The following TMEM161A variants were observed in gnomAD, a reference collection of about 807,000 sequenced individuals.
The protein encoded by TMEM161A is adaptive response to oxidative stress protein 29.
A neutral mutation model predicts 57.1 loss-of-function variants in TMEM161A; 46 were observed. The ratio of observed to expected loss-of-function variants is 0.81; its 90% CI spans 0.64 to 1.03. TMEM161A has a LOEUF of 1.03. Ranked by LOEUF, TMEM161A falls within the 50% of genes least tolerant of loss-of-function variation. TMEM161A has a pLI of 0.00. For synonymous variants in TMEM161A, 288 were observed against 279.0 expected (o/e 1.03, Z -0.32); for missense variants, 601 against 621.5 (o/e 0.97, Z 0.35).
Position 19,134,800 on chromosome 19 carries a change from G to A in TMEM161A, c.91C>T (p.Leu31=). Reference sequence around the variant, plus strand: ...GGGGCTCACCTGCCGTTACAGAGCAGCCAGCGCGCGAAGGAGCAGTGTGGC... The same window carrying A: ...GGGGCTCACCTGCCGTTACAGAGCAACCAGCGCGCGAAGGAGCAGTGTGGC... ...LAPHCSFARW[L]LCNGSLFRYK... The change falls in exon 2 of 12, where the codon CTG becomes TTG. Residue 31 remains leucine (L), a synonymous_variant. Transcript: ENST00000162044. The A allele has an allele frequency of 5.1e-6, 8 of 1,581,710 alleles. No homozygotes were observed. Among genetic ancestry groups the A allele is most frequent in the Non-Finnish European group, 6.9e-6 (8 of 1,165,782 alleles).
At chr19:19,130,126 C>A (rs776282268) in intron 6 of TMEM161A, 30 bp downstream of exon 6, 1 of 1,609,646 alleles carries the variant, frequency 6.2e-7, no homozygotes, top group Non-Finnish European at 8.5e-7. Context: ...GTGACAGCTG[C>A]GGTGGCCCCA....
At chr19:19,137,849 G>A (rs1302397851) in intron 1 of TMEM161A, among the ~76,000 whole-genome samples, 1 of 152,166 alleles carries the variant, frequency 6.6e-6, no homozygotes, top group Non-Finnish European at 1.5e-5. Flanking sequence ...ACACTCAATA[G>A]GTTGGACCCA....
chr19:19,121,324 C>T lies in TMEM161A; in HGVS notation c.898G>A (p.Glu300Lys). The change falls in exon 9 of 12, where the codon GAG becomes AAG. Residue 300 changes from glutamate to lysine, a missense_variant. Transcript: ENST00000162044. This position sits in a 1 kb window ranked among gnomAD's most constrained non-coding sequence, Gnocchi z 5.8. ...RDFLHQPPFG[E>K]TRFSLLSDSA... is the part of the protein sequence containing the mutation. ...AATACGCACAGGGAGAAACGCGTCTCCCCAAACGGCGGCTGGTGCAGGAAG... is the reference window on the plus strand; with the variant it reads ...AATACGCACAGGGAGAAACGCGTCTTCCCAAACGGCGGCTGGTGCAGGAAG... 1 of 1,571,462 alleles carries T rather than the reference C, an allele frequency of 6.4e-7. No homozygotes were observed.
intron 6 of TMEM161A, among the ~76,000 whole-genome samples, chr19:19,122,763 T>G: frequency 1.5e-5 from 1 of 64,830 alleles, no homozygotes. Flanking sequence ...AGCAAGACCT[T>G]GTCAAAAAAA....
In TMEM161A at chr19:19,132,504, C is replaced by T; in HGVS notation, c.291G>A (p.Leu97=). The change falls in exon 5 of 12, where the codon CTG becomes CTA. Residue 97 remains leucine (L), a synonymous_variant. Transcript: ENST00000162044. This position sits in a 1 kb window ranked among gnomAD's most constrained non-coding sequence, Gnocchi z 4.3. ...CPLTTVDALV[L]RFFLEYQWFV... is the part of the protein sequence containing the mutation. ...ACCACTGGTACTCCAGGAAGAAGCG[C>T]AGGACTGTGGGGGGCACTCTGCTCA... 2.5e-6 allele frequency: 4 copies of T among 1,613,476 alleles called. No homozygotes were observed. The highest frequency in any genetic ancestry group is 3.4e-6 in the Non-Finnish European group (4 of 1,179,576).
At chr19:19,127,872 C>G (rs1188793627) in intron 6 of TMEM161A, among the ~76,000 whole-genome samples, 3 of 151,832 alleles carry the variant, frequency 2.0e-5, no homozygotes, top group Non-Finnish European at 4.4e-5. Context: ...CCCTGGAGAT[C>G]AAGGCTGCAG....
At chr19:19,134,719 G>T in intron 2 of TMEM161A, 65 bp downstream of exon 2, 1 of 1,207,078 alleles carries the variant, frequency 8.3e-7, no homozygotes, top group Non-Finnish European at 1.2e-6. Flanking sequence ...TTGTGAGGCG[G>T]GGCGTGGGGA....
Position 19,133,175 on chromosome 19 carries a change from A to G in TMEM161A, c.143T>C (p.Leu48Pro). Reference protein sequence around the residue: ...FRYKHPSEEELRALAGKPRPR... With the variant: ...FRYKHPSEEEPRALAGKPRPR... ...CCTCGGCTTCCCCGCCAGGGCCCGA[A>G]GCTCCTCCTCAGACGGGTGCTTGTA... Residue 48 changes from leucine (L) to proline (P), a missense_variant, in exon 3 of 12, where the codon CTT (leucine) becomes CCT (proline). Leu to Pro is a moderately conservative substitution (Grantham distance 98). Transcript: ENST00000162044. 6.2e-7 allele frequency: 1 copy of G among 1,614,172 alleles called. No individual in the cohort carries two copies.
Position 19,121,413 on chromosome 19 carries a change from A to C in TMEM161A, c.809T>G (p.Leu270Arg). The C allele has an allele frequency of 1.2e-6, 2 of 1,613,792 alleles. No individual in the cohort carries two copies. The highest frequency in any genetic ancestry group is 1.7e-6 in the Non-Finnish European group (2 of 1,179,800). Residue 270 changes from leucine (L) to arginine (R), a missense_variant, in exon 9 of 12, where the codon CTG becomes CGG. By Grantham distance (102) the Leu-to-Arg change is moderately radical. Coordinates refer to ENST00000162044, the MANE Select transcript of TMEM161A (RefSeq NM_017814.3). The surrounding 1 kb of genome is among the most constrained non-coding windows in gnomAD (Gnocchi z 5.8). ...CAGGGGAGACAGGAAGCTGGTGTGC[A>C]GGAGGAACCTGGGGGGTGAGGGCAG... ...SEDRPMLQFL[L>R]HTSFLSPLFI...
chr19:19,131,150 A>G (rs949939136), intron 5 of TMEM161A, among the ~76,000 whole-genome samples: 4 of 151,612 alleles, frequency 2.6e-5, no homozygotes, highest in African/African-American at 9.7e-5. Context: ...AACCCGGGAG[A>G]CAGAGGTTGT....
Position 19,130,271 on chromosome 19 carries a change from G to A in TMEM161A, c.480C>T (p.Ser160=), listed in dbSNP as rs142114590. 255 of 1,613,700 alleles carry A rather than the reference G, an allele frequency of 1.6e-4. No individual in the cohort carries two copies. The highest frequency in any genetic ancestry group is 2.8e-4 in the African/African-American group (21 of 75,056). Residue 160 remains serine (S), a synonymous_variant, in exon 6 of 12, where the codon AGC becomes AGT. Coordinates refer to ENST00000162044, the MANE Select transcript of TMEM161A (RefSeq NM_017814.3). ...CAGAGCGCTCACCCCCCTCCTCGGC[G>A]CTGAAGTACAGCCGTGTCACTGTCA... ...MFLTVTRLYF[S]AEEGGERSVC...
intron 6 of TMEM161A, among the ~76,000 whole-genome samples, chr19:19,125,866 C>T (rs891970735): frequency 2.6e-5 from 4 of 151,910 alleles, no homozygotes; most frequent in South Asian, 2.1e-4. Context: ...TGGTGGCAAG[C>T]GCCTGTAATC....
At chr19:19,120,231 G>A (rs987983259) in intron 11 of TMEM161A, 48 bp from the exon 12 acceptor site, 1 of 1,481,232 alleles carries the variant, frequency 6.8e-7, no homozygotes. Context: ...ATGGGGGAGG[G>A]GGCGAGGGAC....
chr19:19,133,111 T>TGGGGCC lies in TMEM161A; in HGVS notation c.188+13_188+18dup, dbSNP rs754113259. 22 of 1,611,410 alleles carry TGGGGCC rather than the reference T, an allele frequency of 1.4e-5. No individual in the cohort carries two copies. In the Admixed American group the frequency reaches 2.7e-4, roughly 20 times the overall value. On this transcript the variant is annotated intron_variant, in intron 3 of 11. Coordinates refer to ENST00000162044, the MANE Select transcript of TMEM161A (RefSeq NM_017814.3). ...GGAGCCACCCTCCCAAGGCTGGGGC[T>TGGGGCC]GGGGCCCAGGTCACTCACCGCTCTT...
In TMEM161A at chr19:19,130,236, G is replaced by A. The variant is rs150057424; in HGVS notation, c.515C>T (p.Thr172Ile). 6.8e-6 allele frequency: 11 copies of A among 1,613,890 alleles called. No homozygotes were observed. Among genetic ancestry groups the A allele is most frequent in the Non-Finnish European group, 8.5e-6 (10 of 1,180,050 alleles). The change falls in exon 6 of 12, where the codon ACC becomes ATC. Residue 172 changes from threonine to isoleucine, a missense_variant. Physicochemically the swap from Thr to Ile is moderately conservative, Grantham distance 89. Transcript: ENST00000162044. Reference protein sequence around the residue: ...EEGGERSVCLTFAFLFLLLAM... With the variant: ...EEGGERSVCLIFAFLFLLLAM... The stretch of plus-strand genomic sequence containing the variant: ...CAGCAGCAGGAAGAGGAAGGCAAAG[G>A]TGAGGCAGACAGAGCGCTCACCCCC...
chr19:19,135,840 G>C (rs562479928), intron 1 of TMEM161A, among the ~76,000 whole-genome samples: 1 of 152,162 alleles, frequency 6.6e-6, no homozygotes, highest in East Asian at 1.9e-4. Context: ...CCTCCCAAAC[G>C]GTTGGGATTA....
intron 6 of TMEM161A, among the ~76,000 whole-genome samples, chr19:19,127,513 G>A (rs903778039): frequency 1.3e-4 from 20 of 151,768 alleles, no homozygotes; most frequent in South Asian, 2.1e-4. Flanking sequence ...TAGTAGAGAC[G>A]GAGTTTCACC....
chr19:19,134,648 A>G lies in TMEM161A; in HGVS notation c.107+136T>C, dbSNP rs1287461651. On this transcript the variant is annotated intron_variant, in intron 2 of 11. Coordinates refer to ENST00000162044, the MANE Select transcript of TMEM161A (RefSeq NM_017814.3). ...AATATATGCAGTTTGTTGTACTTCA[A>G]TTACACCTCAACAACGTTTTTCCCC... 22 of 627,656 alleles carry G rather than the reference A, an allele frequency of 3.5e-5. 1 individual carries two copies. Among genetic ancestry groups the G allele is most frequent in the South Asian group, 3.4e-4 (18 of 52,806 alleles). The allele number at this position is 627,656 out of a possible 1,614,324, so 38.9% of individuals were successfully genotyped here.
rs369396696 is a variant in TMEM161A at position 19,132,784 on chromosome 19, G to A, written c.189-30C>T. ...GAGGATGGTGACAAGCAAGAGGGAC[G>A]GTGAGCACGCATTCCACTGAGGCCA... is the stretch of plus-strand genomic sequence containing the variant. On this transcript the variant is annotated intron_variant, in intron 3 of 11. Coordinates refer to ENST00000162044, the MANE Select transcript of TMEM161A (RefSeq NM_017814.3). The surrounding 1 kb of genome is among the most constrained non-coding windows in gnomAD (Gnocchi z 4.3). 9.1e-4 allele frequency: 1,373 copies of A among 1,500,908 alleles called. 18 individuals are homozygous for A. The South Asian group carries it at 0.017, about 18-fold the overall frequency. The allele number at this position is 1,500,908 out of a possible 1,614,324, so 93.0% of individuals were successfully genotyped here.
Sources: gnomAD v4.1 joint callset for allele counts (sites outside exome capture counted in the v4.1 genomes callset) on GRCh38, gnomAD v4.1.1 for gene constraint, Gnocchi (gnomAD v3.1) non-coding constraint, MANE v1.5 for transcripts, NCBI Gene and HGNC (gene_info 2026-07-23, HGNC 2026-07-21) for gene names.